Variants in AVEN observed in about 807,000 individuals in gnomAD.
The protein encoded by AVEN is cell death regulator Aven.
In AVEN, 41 loss-of-function variants were observed where a neutral mutation model predicts 38.1. That is an observed-to-expected ratio of 1.08 (90% CI 0.84 to 1.40). The LOEUF (loss-of-function observed/expected upper bound fraction) is 1.40. Among genes scored for constraint, AVEN ranks in the 40% most tolerant of loss-of-function variants. The pLI, the probability that AVEN is intolerant of heterozygous loss-of-function variation, is 0.00. For synonymous variants in AVEN, 206 were observed against 171.8 expected (o/e 1.20, Z -1.56); for missense variants, 605 against 438.8 (o/e 1.38, Z -3.38).
At chr15:33,921,934 G>C (rs1350609792) in intron 2 of AVEN, among the ~76,000 whole-genome samples, 2 of 152,192 alleles carry the variant, frequency 1.3e-5, no homozygotes, top group Non-Finnish European at 2.9e-5. Flanking sequence ...GCAGGGAGCG[G>C]AGGGTGGGGA....
chr15:34,067,093 A>G (rs935991304), intron 2 of AVEN: 3 of 152,166 alleles, frequency 2.0e-5, no homozygotes, highest in African/African-American at 7.2e-5. Flanking sequence ...GGCTTTGTCT[A>G]TAGTAAACCA....
chr15:33,915,937 G>A (rs1893119590), intron 2 of AVEN, among the ~76,000 whole-genome samples: 1 of 152,094 alleles, frequency 6.6e-6, no homozygotes. Context: ...GCATGACACA[G>A]CTGAAGCAGC....
chr15:34,003,958 T>C (rs149065703), intron 1 of AVEN, among the ~76,000 whole-genome samples: 1 of 152,322 alleles, frequency 6.6e-6, no homozygotes, highest in East Asian at 1.9e-4. Context: ...GGAGACAAAT[T>C]ACTGACAAAG....
rs1381411256 is a variant in AVEN, at chr15:34,073,986, C to CTTTTTTTTTTTTTTTTTTTTTT, written n.720+449_720+450insAAAAAAAAAAAAAAAAAAAAAA. On this transcript the variant is annotated intron_variant and non_coding_transcript_variant, in intron 1 of 11. Transcript: ENST00000675287. ...TGGAGGAACTTTCTTTTTTCTTCTTCTTCTTTTTTTTTTTTTTTTTTTTTT... is the reference window on the plus strand; with the variant it reads ...TGGAGGAACTTTCTTTTTTCTTCTTCTTTTTTTTTTTTTTTTTTTTTTTTCTTTTTTTTTTTTTTTTTTTTTT... Among the ~76,000 whole-genome samples, 82 of 112,190 alleles carry CTTTTTTTTTTTTTTTTTTTTTT rather than the reference C, an allele frequency of 7.3e-4. 19 individuals are homozygous for CTTTTTTTTTTTTTTTTTTTTTT. The highest frequency in any genetic ancestry group is 3.2e-3 in the African/African-American group (77 of 24,272). 73.6% of individuals were successfully genotyped at this position (112,190 alleles called of 152,430 possible). A position where few individuals can be genotyped will look rare whatever the true frequency, so the allele number is the denominator to read the frequency against.
In AVEN at chr15:33,933,524, C is replaced by CAG. The variant is rs3086294; in HGVS notation, c.446-57531_446-57530dup. Among the ~76,000 whole-genome samples, 57 of 46,638 alleles carry CAG rather than the reference C, an allele frequency of 1.2e-3. 2 individuals are homozygous for CAG. Among genetic ancestry groups the CAG allele is most frequent in the African/African-American group, 2.7e-3 (38 of 14,168 alleles). The allele number at this position is 46,638 out of a possible 152,430, so 30.6% of individuals were successfully genotyped here. A position where few individuals can be genotyped will look rare whatever the true frequency, so the allele number is the denominator to read the frequency against. ...ACACACACACACACACACACACACA[C>CAG]AGAGAGAGAGAGAGAGAGAGAGAGA... On this transcript the variant is annotated intron_variant, in intron 2 of 5. Transcript: ENST00000306730.
At chr15:33,913,573 G>T (rs561784896) in intron 2 of AVEN, among the ~76,000 whole-genome samples, 37 of 152,270 alleles carry the variant, frequency 2.4e-4, no homozygotes, top group Middle Eastern at 3.4e-3. Flanking sequence ...GCTGAGTGTA[G>T]CAAGTACAGT....
At chr15:33,880,635 A>G (rs973262201) in intron 2 of AVEN, among the ~76,000 whole-genome samples, 2 of 152,226 alleles carry the variant, frequency 1.3e-5, no homozygotes, top group African/African-American at 4.8e-5. Flanking sequence ...GGAAAATGAC[A>G]CTATCAATAG....
At chr15:34,054,057 G>A (rs142620539) in intron 5 of AVEN, among the ~76,000 whole-genome samples, 75 of 151,934 alleles carry the variant, frequency 4.9e-4, no homozygotes, top group African/African-American at 1.7e-3. Flanking sequence ...ACATACATGC[G>A]GCCAAAAAAC....
chr15:34,038,254 T>C (rs1330621914), intron 1 of AVEN, among the ~76,000 whole-genome samples: 1 of 152,144 alleles, frequency 6.6e-6, no homozygotes. Context: ...AGTCCAGTCG[T>C]AGGGGTCATT....
chr15:34,003,118 C>G lies in AVEN; in HGVS notation c.359G>C (p.Arg120Pro). The change falls in exon 2 of 6, where the codon CGA (arginine) becomes CCA (proline). Residue 120 changes from arginine to proline, a missense_variant. By Grantham distance (103) the Arg-to-Pro change is moderately radical. Coordinates refer to ENST00000306730, the MANE Select transcript of AVEN (RefSeq NM_020371.3). The stretch of plus-strand genomic sequence containing the variant: ...GACCTCTTTTTCAATATCTTGATAT[C>G]GATCCCAGTTAGAGACAATCTTTCT... Reference protein sequence around the residue: ...SKRKIVSNWDRYQDIEKEVNN... With the variant: ...SKRKIVSNWDPYQDIEKEVNN... 1 of 1,613,650 alleles carries G rather than the reference C, an allele frequency of 6.2e-7. No individual in the cohort carries two copies. Among genetic ancestry groups the G allele is most frequent in the Non-Finnish European group, 8.5e-7 (1 of 1,179,642 alleles).
chr15:34,058,828 G>A (rs1900242959), intron 5 of AVEN, among the ~76,000 whole-genome samples: 1 of 152,034 alleles, frequency 6.6e-6, no homozygotes, highest in Admixed American at 6.6e-5. Context: ...TTTGTTTTTT[G>A]ACACAATATA....
At chr15:33,857,863 C>T (rs752422188), downstream of AVEN, 4 of 1,614,080 alleles carry the variant, frequency 2.5e-6, no homozygotes, top group Non-Finnish European at 3.4e-6. Flanking sequence ...AGTTCTACAA[C>T]AAAAGCGAAG....
intron 2 of AVEN, among the ~76,000 whole-genome samples, chr15:33,880,488 G>A (rs1891438783): frequency 6.6e-6 from 1 of 152,174 alleles, no homozygotes; most frequent in Admixed American, 6.5e-5. Flanking sequence ...AGGCTTTCAG[G>A]CGGGACCCCC....
chr15:33,871,957 G>C (rs1317896877), intron 3 of AVEN, among the ~76,000 whole-genome samples: 1 of 152,232 alleles, frequency 6.6e-6, no homozygotes, highest in African/African-American at 2.4e-5. Context: ...TCAGCATTTT[G>C]TACATGTTTT....
chr15:33,905,588 G>A (rs1453211776), intron 2 of AVEN, among the ~76,000 whole-genome samples: 5 of 152,208 alleles, frequency 3.3e-5, no homozygotes, highest in African/African-American at 4.8e-5. Flanking sequence ...ATTTTGGGAG[G>A]CCGAGGTGGG....
rs623941 is a variant in AVEN at position 34,060,377 on chromosome 15, G to A, written n.1637+2545C>T. ...CGGTGCAAGACAATATCATCAACTC[G>A]ATTCCATATTGAATTTGAGGTGTTA... On this transcript the variant is annotated intron_variant and non_coding_transcript_variant, in intron 5 of 11. Transcript: ENST00000675287. Among the ~76,000 whole-genome samples the A allele has an allele frequency of 3.5e-3, 537 of 151,964 alleles. 2 individuals are homozygous for A. The highest frequency in any genetic ancestry group is 0.013 in the African/African-American group (527 of 41,398).
At chr15:34,029,070 C>G (rs776507901) in intron 1 of AVEN, among the ~76,000 whole-genome samples, 9 of 152,094 alleles carry the variant, frequency 5.9e-5, no homozygotes, top group Non-Finnish European at 1.2e-4. Context: ...AGAGATTCCC[C>G]TCTGCAGACG....
intron 2 of AVEN, among the ~76,000 whole-genome samples, chr15:33,882,819 G>A (rs947473301): frequency 7.9e-5 from 12 of 152,148 alleles, no homozygotes; most frequent in Non-Finnish European, 1.5e-4. Flanking sequence ...CTGCAGTGGA[G>A]CTGACATCAT....
At chr15:33,925,329 A>G (rs1893569625) in intron 2 of AVEN, among the ~76,000 whole-genome samples, 1 of 152,206 alleles carries the variant, frequency 6.6e-6, no homozygotes, top group Non-Finnish European at 1.5e-5. Context: ...CTTCCTTTCT[A>G]TAAGATAAAA....
Sources: allele counts gnomAD v4.1 joint callset (sites outside exome capture counted in the v4.1 genomes callset), GRCh38; gene constraint gnomAD v4.1.1; transcripts MANE v1.5; gene names NCBI Gene and HGNC (gene_info 2026-07-23, HGNC 2026-07-21).